SGCD: variants seen among roughly 807,000 people sequenced by gnomAD.
SGCD encodes sarcoglycan delta.
In SGCD, 18 loss-of-function variants were observed where a neutral mutation model predicts 36.6. The observed-to-expected ratio is 0.49, with a 90% CI of 0.34 to 0.73. SGCD has a LOEUF of 0.73. SGCD is among the 30% of genes least tolerant of loss of function. The pLI is 0.01. For missense variants in SGCD, 387 were observed against 346.7 expected (o/e 1.12, Z -0.92); for synonymous variants, 133 against 130.6 (o/e 1.02, Z -0.12).
chr5:156,277,641 T>C (rs1766351046), intron 3 of SGCD, among the ~76,000 whole-genome samples: 1 of 152,214 alleles, frequency 6.6e-6, no homozygotes, highest in Admixed American at 6.5e-5. Flanking sequence ...AATCAAACTC[T>C]CATTTATTCT....
At chr5:156,069,821 A>G (rs1490343688) in intron 1 of SGCD, among the ~76,000 whole-genome samples, 1 of 152,000 alleles carries the variant, frequency 6.6e-6, no homozygotes, top group Non-Finnish European at 1.5e-5. Context: ...AGTGGTTTGT[A>G]GCTCTCCTTG....
At chr5:156,522,685 A>G (rs919075442) in intron 4 of SGCD, among the ~76,000 whole-genome samples, 3 of 151,902 alleles carry the variant, frequency 2.0e-5, no homozygotes, top group Admixed American at 1.3e-4. Flanking sequence ...ACCATGGCAC[A>G]CATTTACCTA....
At chr5:156,137,083 T>C (rs926282559) in intron 3 of SGCD, among the ~76,000 whole-genome samples, 2 of 152,220 alleles carry the variant, frequency 1.3e-5, no homozygotes, top group Non-Finnish European at 2.9e-5. Flanking sequence ...ATTAATGGAA[T>C]GATAGGAGCA....
At chr5:156,355,290 G>T (rs568144745) in intron 3 of SGCD, among the ~76,000 whole-genome samples, 1 of 152,186 alleles carries the variant, frequency 6.6e-6, no homozygotes, top group Non-Finnish European at 1.5e-5. Context: ...ACCCAGAGCT[G>T]TGGGATTAAG....
At chr5:155,860,180 G>C in the SGCD span, among the ~76,000 whole-genome samples, 2 of 152,314 alleles carry the variant, frequency 1.3e-5, no homozygotes, top group African/African-American at 4.8e-5. Context: ...TCTACCTGTA[G>C]GTAGAGATAC....
At chr5:156,637,179 T>C (rs1227565001) in intron 6 of SGCD, among the ~76,000 whole-genome samples, 1 of 152,122 alleles carries the variant, frequency 6.6e-6, no homozygotes, top group Non-Finnish European at 1.5e-5. Flanking sequence ...TGCTCAGCAC[T>C]TCTCTCTCCT....
chr5:156,244,979 A>T (rs1460936093), intron 3 of SGCD, among the ~76,000 whole-genome samples: 2 of 152,190 alleles, frequency 1.3e-5, no homozygotes, highest in African/African-American at 4.8e-5. Context: ...GTTCATCTCT[A>T]CACAGTAACA....
chr5:156,381,749 A>C (rs984204205), intron 3 of SGCD, among the ~76,000 whole-genome samples: 17 of 152,168 alleles, frequency 1.1e-4, no homozygotes, highest in African/African-American at 4.1e-4. Context: ...GCAGAAAGGG[A>C]GTATAAGGCA....
At chr5:155,771,514 C>T in the SGCD span, among the ~76,000 whole-genome samples, 1 of 152,006 alleles carries the variant, frequency 6.6e-6, no homozygotes, top group Non-Finnish European at 1.5e-5. Context: ...ATCTCCACCT[C>T]CCAGGTTCAA....
chr5:156,352,399 G>A (rs1167471288), intron 3 of SGCD, among the ~76,000 whole-genome samples: 1 of 152,208 alleles, frequency 6.6e-6, no homozygotes, highest in Non-Finnish European at 1.5e-5. Context: ...CTCAGTAGCA[G>A]GGATTATTCT....
chr5:155,817,803 T>A, the SGCD span, among the ~76,000 whole-genome samples: 3 of 151,980 alleles, frequency 2.0e-5, no homozygotes, highest in Admixed American at 6.6e-5. Context: ...AGGTAGGGGG[T>A]CCACTTTCTT....
chr5:156,215,753 T>C (rs1042056932), intron 3 of SGCD, among the ~76,000 whole-genome samples: 3 of 152,118 alleles, frequency 2.0e-5, no homozygotes, highest in African/African-American at 7.2e-5. Context: ...ATAGCCACTA[T>C]GTAAAATTGA....
chr5:156,697,760 G>A (rs1435753970), intron 7 of SGCD, among the ~76,000 whole-genome samples: 1 of 151,698 alleles, frequency 6.6e-6, no homozygotes, highest in African/African-American at 2.4e-5. Context: ...CGGATGGATG[G>A]ATGGATGGAT....
the SGCD span, among the ~76,000 whole-genome samples, chr5:155,836,475 C>A: frequency 2.9e-5 from 4 of 138,522 alleles, no homozygotes; most frequent in African/African-American, 8.4e-5. Flanking sequence ...TACCCACCCC[C>A]GCCCCGCACT....
chr5:156,019,503 A>AACAAT (rs1174706299), intron 1 of SGCD, among the ~76,000 whole-genome samples: 4 of 152,220 alleles, frequency 2.6e-5, no homozygotes, highest in African/African-American at 9.6e-5. Flanking sequence ...AAAAATGGTT[A>AACAAT]TCTGCTGAGA....
intron 1 of SGCD, among the ~76,000 whole-genome samples, chr5:155,936,888 G>C (rs558135842): frequency 6.6e-6 from 1 of 152,292 alleles, no homozygotes; most frequent in East Asian, 1.9e-4. Context: ...ATTCCGGAGG[G>C]GGCTGAGGCG....
chr5:156,353,277 T>C (rs1258828591), intron 3 of SGCD, among the ~76,000 whole-genome samples: 1 of 152,220 alleles, frequency 6.6e-6, no homozygotes, highest in Non-Finnish European at 1.5e-5. Flanking sequence ...TAAATTAAAA[T>C]GTATAAAGAT....
At chr5:156,249,914 C>A (rs1765533961) in intron 3 of SGCD, among the ~76,000 whole-genome samples, 2 of 152,118 alleles carry the variant, frequency 1.3e-5, no homozygotes, top group Admixed American at 6.5e-5. Context: ...TGGAAAAGGT[C>A]TTTGAAAAAT....
chr5:155,755,635 G>T, the SGCD span, among the ~76,000 whole-genome samples: 4 of 152,158 alleles, frequency 2.6e-5, no homozygotes, highest in African/African-American at 9.7e-5. Context: ...TTTCCTCATA[G>T]TTTCCTGGGC....
Sources: gnomAD v4.1 joint callset for allele counts (sites outside exome capture counted in the v4.1 genomes callset) on GRCh38, gnomAD v4.1.1 for gene constraint, MANE v1.5 for transcripts, NCBI Gene and HGNC (gene_info 2026-07-23, HGNC 2026-07-21) for gene names.